DOP1B: variants seen among roughly 807,000 people sequenced by gnomAD.
DOP1B encodes the protein protein DOP1B.
DOP1B carries 174 observed loss-of-function variants against 233.5 expected under a neutral mutation model. The ratio of observed to expected loss-of-function variants is 0.75; its 90% CI spans 0.66 to 0.85. The LOEUF (loss-of-function observed/expected upper bound fraction) is 0.85. Among genes scored for constraint, DOP1B ranks in the 40% least tolerant of loss-of-function variants. DOP1B has a pLI of 0.00. For synonymous variants in DOP1B, 1,190 were observed against 1,185.6 expected (o/e 1.00, Z -0.08); for missense variants, 2,652 against 2,846.6 (o/e 0.93, Z 1.56).
intron 2 of DOP1B, among the ~76,000 whole-genome samples, chr21:36,166,277 A>C (rs983735022): frequency 6.6e-6 from 1 of 151,798 alleles, no homozygotes; most frequent in Non-Finnish European, 1.5e-5. Flanking sequence ...TCTACTAAAA[A>C]TACAAAAAAA....
intron 1 of DOP1B, among the ~76,000 whole-genome samples, chr21:36,163,627 T>C (rs553810106): frequency 3.3e-5 from 5 of 152,378 alleles, no homozygotes; most frequent in African/African-American, 9.6e-5. Context: ...TGCTCTGTAT[T>C]TGTCTTTCCT....
intron 14 of DOP1B, 112 bp from the exon 15 acceptor site, chr21:36,232,692 G>A (rs1601432607): frequency 6.9e-7 from 1 of 1,452,450 alleles, no homozygotes; most frequent in East Asian, 2.3e-5. Context: ...TGCTGTCCAG[G>A]TGGATTTCTC....
chr21:36,174,688 C>T (rs958687389), intron 2 of DOP1B, among the ~76,000 whole-genome samples: 1 of 152,066 alleles, frequency 6.6e-6, no homozygotes, highest in Admixed American at 6.6e-5. Flanking sequence ...TTTGTATTTT[C>T]TTTTCATAGA....
intron 18 of DOP1B, among the ~76,000 whole-genome samples, chr21:36,240,668 A>G (rs1371426009): frequency 6.6e-6 from 1 of 152,186 alleles, no homozygotes; most frequent in East Asian, 1.9e-4. Flanking sequence ...TAACACAAAC[A>G]TAAAAGAATA....
At chr21:36,179,410 T>C (rs1427499285) in intron 2 of DOP1B, among the ~76,000 whole-genome samples, 1 of 152,236 alleles carries the variant, frequency 6.6e-6, no homozygotes, top group Admixed American at 6.5e-5. Flanking sequence ...TGTAATACTC[T>C]CTTATTGTGG....
Position 36,262,920 on chromosome 21 carries a change from TAAATAAAATA to T in DOP1B, c.5316-610_5316-601del, listed in dbSNP as rs539016204. 3.2e-3 allele frequency among the ~76,000 whole-genome samples: 459 copies of T among 144,230 alleles called. 1 individual carries two copies. Among genetic ancestry groups the T allele is most frequent in the South Asian group, 8.0e-3 (37 of 4,606 alleles). The allele number at this position is 144,230 out of a possible 152,430, so 94.6% of individuals were successfully genotyped here. On this transcript the variant is annotated intron_variant, in intron 24 of 36. Coordinates refer to ENST00000691173, the MANE Select transcript of DOP1B (RefSeq NM_001320714.2). ...AACAATAATAAAATAAATAAATAAA[TAAATAAAATA>T]AAATAAAATAAAATAGAAGAAAGGC... is the stretch of plus-strand genomic sequence containing the variant.
intron 12 of DOP1B, among the ~76,000 whole-genome samples, chr21:36,226,525 C>T (rs2066684611): frequency 6.6e-6 from 1 of 151,976 alleles, no homozygotes; most frequent in Non-Finnish European, 1.5e-5. Context: ...TCTTGAACTC[C>T]TGACCTCAGG....
intron 2 of DOP1B, among the ~76,000 whole-genome samples, chr21:36,173,589 T>A (rs1230312916): frequency 6.6e-6 from 1 of 151,660 alleles, no homozygotes; most frequent in African/African-American, 2.4e-5. Flanking sequence ...ACCCGGCTAA[T>A]TTTTTTTGTA....
chr21:36,215,529 C>G (rs936896549), intron 9 of DOP1B, among the ~76,000 whole-genome samples: 5 of 151,852 alleles, frequency 3.3e-5, no homozygotes, highest in Non-Finnish European at 5.9e-5. Context: ...CTCAGCTTCC[C>G]CAGTAGCTGG....
chr21:36,171,269 T>G (rs1405753553), intron 2 of DOP1B, among the ~76,000 whole-genome samples: 3 of 152,188 alleles, frequency 2.0e-5, no homozygotes, highest in African/African-American at 4.8e-5. Flanking sequence ...GGACCCTGTC[T>G]CCATCACCCA....
intron 18 of DOP1B, among the ~76,000 whole-genome samples, chr21:36,242,194 G>A (rs1189585761): frequency 9.8e-6 from 1 of 101,782 alleles, no homozygotes; most frequent in Non-Finnish European, 1.9e-5. Context: ...TATTATTGAA[G>A]AAGAGTCTCA....
chr21:36,257,639 TAGAA>T (rs762563853), intron 23 of DOP1B, among the ~76,000 whole-genome samples: 1 of 139,456 alleles, frequency 7.2e-6, no homozygotes, highest in Non-Finnish European at 1.6e-5. Context: ...GATAGATAGA[TAGAA>T]GTAGTTAGGT....
At chr21:36,169,486 G>A in intron 2 of DOP1B, 1 of 1,115,528 alleles carries the variant, frequency 9.0e-7, no homozygotes, top group Non-Finnish European at 1.4e-6. Flanking sequence ...GCCAACAACT[G>A]GTGACCCCTT....
At chr21:36,194,631 C>T (rs1306232830) in intron 2 of DOP1B, among the ~76,000 whole-genome samples, 3 of 151,798 alleles carry the variant, frequency 2.0e-5, no homozygotes, top group East Asian at 3.9e-4. Context: ...GGACTGCAGG[C>T]GTGTGCCACC....
chr21:36,202,781 G>A (rs542480812), intron 4 of DOP1B, among the ~76,000 whole-genome samples: 114 of 152,268 alleles, frequency 7.5e-4, no homozygotes, highest in African/African-American at 2.6e-3. Context: ...CCAGCGCCAG[G>A]CCCTGTGGCT....
rs968571217 is a variant in DOP1B, at chr21:36,277,946, T to C, written c.5713-29T>C. The C allele has an allele frequency of 3.1e-6, 5 of 1,592,642 alleles. No homozygotes were observed. The African/African-American group carries it at 5.4e-5, about 17-fold the overall frequency. ...TGTGAGCCGTCGCACCTGGCCAGTT[T>C]CTGTTTTCTTAGGGCCTTGTTCTTT... is the stretch of plus-strand genomic sequence containing the variant. On this transcript the variant is annotated intron_variant, in intron 28 of 36. Transcript: ENST00000691173.
At chr21:36,211,460 G>C in intron 5 of DOP1B, 93 bp from the exon 6 acceptor site, 1 of 1,150,906 alleles carries the variant, frequency 8.7e-7, no homozygotes, top group South Asian at 1.3e-5. Context: ...GTGATATAAC[G>C]CAGGAGTTTC....
intron 2 of DOP1B, among the ~76,000 whole-genome samples, chr21:36,194,748 A>G (rs1396754959): frequency 6.6e-6 from 1 of 152,064 alleles, no homozygotes; most frequent in African/African-American, 2.4e-5. Flanking sequence ...TGGCCTCCCA[A>G]AGTGCTGAGA....
chr21:36,200,336 G>C lies in DOP1B; in HGVS notation c.326G>C (p.Gly109Ala), dbSNP rs1418674186. 6.3e-7 allele frequency: 1 copy of C among 1,595,968 alleles called. No homozygotes were observed. Among genetic ancestry groups the C allele is most frequent in the Non-Finnish European group, 8.5e-7 (1 of 1,172,212 alleles). The change falls in exon 4 of 37, where the codon GGG becomes GCG. Residue 109 changes from glycine to alanine, a missense_variant. Around this residue, in one of 3 missense-constraint regions of DOP1B, gnomAD observed 2,617 missense variants for 2,794.3 expected, o/e 0.94. Coordinates refer to ENST00000691173, the MANE Select transcript of DOP1B (RefSeq NM_001320714.2). ...LAKDLFLYSC[G>A]LFPLLAHAAV... is the part of the protein sequence containing the mutation. Reference sequence around the variant, plus strand: ...CCTCTCGTTCTTTCTCGAAGCTGCGGGTTATTTCCTCTCCTGGCACACGCG... The same window carrying C: ...CCTCTCGTTCTTTCTCGAAGCTGCGCGTTATTTCCTCTCCTGGCACACGCG...
Sources: gnomAD v4.1 joint callset for allele counts (sites outside exome capture counted in the v4.1 genomes callset) on GRCh38, gnomAD v4.1.1 for gene constraint, gnomAD v4.1.1 regional missense constraint, MANE v1.5 for transcripts, NCBI Gene and HGNC (gene_info 2026-07-23, HGNC 2026-07-21) for gene names.